Variants in PBRM1 observed in about 807,000 individuals in gnomAD.
The protein encoded by PBRM1 is polybromo 1.
In PBRM1, 27 loss-of-function variants were observed where a neutral mutation model predicts 194.5. The ratio of observed to expected loss-of-function variants is 0.14; its 90% CI spans 0.10 to 0.19. PBRM1 has a LOEUF of 0.19. Among genes scored for constraint, PBRM1 ranks in the 10% least tolerant of loss-of-function variants. The pLI, the probability that PBRM1 is intolerant of heterozygous loss-of-function variation, is 1.00. For synonymous variants in PBRM1, 655 were observed against 693.2 expected (o/e 0.94, Z 0.87); for missense variants, 1,466 against 2,077.2 (o/e 0.71, Z 5.72).
exon 4 of PBRM1, chr3:52,662,261 A>G (rs2153929311): frequency 6.2e-7 from 1 of 1,611,800 alleles, no homozygotes; most frequent in Non-Finnish European, 8.5e-7. Context: ...GCGGCTTTAT[A>G]TTCAGGAGAA....
intron 10 of PBRM1, among the ~76,000 whole-genome samples, chr3:52,637,773 C>CAAAAAGAAAAAAAAAAAAAAAAA (rs2095876905): frequency 2.4e-5 from 1 of 42,236 alleles, no homozygotes. Context: ...ACTAAAAATA[C>CAAAAAGAAAAAAAAAAAAAAAAA]AAAAAAAAAA....
intron 2 of PBRM1, among the ~76,000 whole-genome samples, chr3:52,670,849 T>C (rs539464247): frequency 2.0e-5 from 3 of 152,344 alleles, no homozygotes; most frequent in East Asian, 1.9e-4. Flanking sequence ...CTATGTGACA[T>C]GGTAAAACCT....
intron 8 of PBRM1, 32 bp downstream of exon 9, chr3:52,644,672 C>G (rs1018535624): frequency 1.8e-6 from 2 of 1,082,582 alleles, no homozygotes; most frequent in African/African-American, 3.2e-5. Flanking sequence ...CATGAGCCAC[C>G]ACGCCCAGCC....
At chr3:52,615,300 A>T (rs562279045) in intron 15 of PBRM1, 51 bp downstream of exon 17, 1 of 921,288 alleles carries the variant, frequency 1.1e-6, no homozygotes, top group Non-Finnish European at 1.8e-6. Flanking sequence ...AAAAATCAGC[A>T]ATCTCTTCTT....
At chr3:52,586,332 T>A (rs1576187515) in intron 20 of PBRM1, 93 bp downstream of exon 22, 1 of 1,099,390 alleles carries the variant, frequency 9.1e-7, no homozygotes, top group African/African-American at 1.6e-5. Flanking sequence ...GTGTTGTTGC[T>A]CTTTTTCTAA....
chr3:52,604,769 G>C (rs550237864), intron 16 of PBRM1, among the ~76,000 whole-genome samples: 1 of 151,860 alleles, frequency 6.6e-6, no homozygotes, highest in Non-Finnish European at 1.5e-5. Context: ...GGGAGGCCAA[G>C]GTGGGCCAAA....
chr3:52,621,660 T>C (rs191535741), intron 13 of PBRM1, among the ~76,000 whole-genome samples: 1 of 152,326 alleles, frequency 6.6e-6, no homozygotes, highest in African/African-American at 2.4e-5. Context: ...TCATTCTCCT[T>C]TTTAAAATCA....
At chr3:52,562,081 G>C (rs894300318) in intron 24 of PBRM1, 113 bp from the exon 27 acceptor site, 6 of 760,048 alleles carry the variant, frequency 7.9e-6, no homozygotes, top group Admixed American at 2.0e-5. Context: ...CAGCACTTTG[G>C]GGGGCCGAGA....
intron 22 of PBRM1, among the ~76,000 whole-genome samples, chr3:52,572,898 T>G (rs2087916502): frequency 6.6e-6 from 1 of 152,240 alleles, no homozygotes; most frequent in Non-Finnish European, 1.5e-5. Flanking sequence ...TTATAAATTC[T>G]CTAAAGCTTA....
At chr3:52,552,444 C>T (rs1338000778) in intron 27 of PBRM1, among the ~76,000 whole-genome samples, 1 of 152,118 alleles carries the variant, frequency 6.6e-6, no homozygotes, top group Non-Finnish European at 1.5e-5. Flanking sequence ...CTCCTGGCTT[C>T]TTTTTTAATT....
chr3:52,590,879 T>G (rs1200246316), intron 17 of PBRM1, among the ~76,000 whole-genome samples: 1 of 152,256 alleles, frequency 6.6e-6, no homozygotes, highest in Non-Finnish European at 1.5e-5. Flanking sequence ...ATAACATTGA[T>G]TCTTCCTATC....
At chr3:52,657,140 G>A (rs537875690) in intron 5 of PBRM1, among the ~76,000 whole-genome samples, 1 of 152,282 alleles carries the variant, frequency 6.6e-6, no homozygotes, top group South Asian at 2.1e-4. Context: ...CCAGAAGCTG[G>A]GAGAAGAGGG....
At chr3:52,651,311 T>C (rs1203462567) in intron 6 of PBRM1, among the ~76,000 whole-genome samples, 1 of 152,136 alleles carries the variant, frequency 6.6e-6, no homozygotes, top group Non-Finnish European at 1.5e-5. Context: ...ACATCCGTTG[T>C]GGGTAGCTTT....
chr3:52,647,799 T>C (rs1010482143), intron 7 of PBRM1, among the ~76,000 whole-genome samples: 4 of 151,754 alleles, frequency 2.6e-5, no homozygotes, highest in Non-Finnish European at 4.4e-5. Flanking sequence ...AGACTGAAAA[T>C]AGATTTGAGG....
chr3:52,565,130 C>A (rs1159255735), intron 22 of PBRM1, among the ~76,000 whole-genome samples: 1 of 151,740 alleles, frequency 6.6e-6, no homozygotes, highest in East Asian at 1.9e-4. Flanking sequence ...ACCTGGAAGG[C>A]GGAGGTTGCA....
chr3:52,556,161 T>C (rs2082180504), intron 26 of PBRM1, among the ~76,000 whole-genome samples: 1 of 152,228 alleles, frequency 6.6e-6, no homozygotes, highest in Admixed American at 6.5e-5. Context: ...CAAACATATT[T>C]ATTTATAAAA....
intron 3 of PBRM1, among the ~76,000 whole-genome samples, chr3:52,664,895 A>G (rs887504741): frequency 1.3e-5 from 2 of 152,176 alleles, no homozygotes; most frequent in African/African-American, 4.8e-5. Flanking sequence ...AAACTTTCCA[A>G]AGATGATGAG....
chr3:52,680,188 TG>T (rs1477134043), upstream of PBRM1, among the ~76,000 whole-genome samples: 4 of 152,114 alleles, frequency 2.6e-5, no homozygotes, highest in African/African-American at 9.7e-5. Context: ...ATTTGCTAGG[TG>T]GGCCATCATG....
chr3:52,630,507 T>C (rs910416031), intron 11 of PBRM1, among the ~76,000 whole-genome samples: 19 of 152,346 alleles, frequency 1.2e-4, no homozygotes, highest in South Asian at 4.1e-4. Context: ...CATTGGAATA[T>C]TGATAATAAA....
Sources: allele counts gnomAD v4.1 joint callset (sites outside exome capture counted in the v4.1 genomes callset), GRCh38; gene constraint gnomAD v4.1.1; transcripts MANE v1.5; gene names NCBI Gene and HGNC (gene_info 2026-07-23, HGNC 2026-07-21).